STRA8: variants seen among roughly 807,000 people sequenced by gnomAD.
STRA8 encodes the protein stimulated by retinoic acid 8, also known as stimulated by retinoic acid gene 8 protein homolog.
STRA8 carries 18 observed loss-of-function variants against 37.1 expected under a neutral mutation model. The ratio of observed to expected loss-of-function variants is 0.48; its 90% CI spans 0.34 to 0.72. STRA8 has a LOEUF of 0.72. Ranked by LOEUF, STRA8 falls within the 30% of genes least tolerant of loss-of-function variation. The probability of loss-of-function intolerance (pLI) is 0.01; values close to 1 mark genes in which losing one functional copy is unlikely to be tolerated. For synonymous variants in STRA8, 168 were observed against 162.9 expected, an observed-to-expected ratio of 1.03 and a Z score of -0.24; for missense variants, 357 against 410.4, an observed-to-expected ratio of 0.87 and a Z score of 1.13.
In STRA8 at chr7:135,245,391, C is replaced by T. The variant is rs1832532092; in HGVS notation, c.457C>T (p.Gln153Ter). ...EEEEDEEEED[Q>*]EEEEEEEEEE... ...GGAGGAAGATGAGGAAGAGGAAGAT[C>T]AAGAAGAAGAGGAGGAGGAAGAAGA... Residue 153 changes from glutamine (Q) to a stop codon, truncating the protein, a stop_gained, in exon 5 of 9, where the codon CAA becomes TAA. Coordinates refer to ENST00000662584, the MANE Select transcript of STRA8 (RefSeq NM_001394401.1). LOFTEE classifies it high-confidence loss of function. The T allele has an allele frequency of 1.3e-6, 1 of 743,908 alleles. No homozygotes were observed. The highest frequency in any genetic ancestry group is 1.9e-5 in the African/African-American group (1 of 52,142). 46.1% of individuals were successfully genotyped at this position (743,908 alleles called of 1,614,324 possible).
chr7:135,231,972 T>C, upstream of STRA8: 1 of 1,614,082 alleles, frequency 6.2e-7, no homozygotes, highest in Non-Finnish European at 8.5e-7. Context: ...CCTTCTGCCT[T>C]GCAGCTATGG....
At chr7:135,234,922 A>G (rs1832347957) in intron 1 of STRA8, among the ~76,000 whole-genome samples, 1 of 152,112 alleles carries the variant, frequency 6.6e-6, no homozygotes. Context: ...TGTCACCCAG[A>G]CTGGAGTGCA....
rs59621186 is a variant in STRA8 at position 135,252,013 on chromosome 7, A to AGTGTGTGTGTGTGTGT, written c.953+162_953+177dup. 139 of 505,248 alleles carry AGTGTGTGTGTGTGTGT rather than the reference A, an allele frequency of 2.8e-4. 2 individuals are homozygous for AGTGTGTGTGTGTGTGT. The highest frequency in any genetic ancestry group is 5.1e-4 in the African/African-American group (23 of 44,956). The allele number at this position is 505,248 out of a possible 1,614,324, so 31.3% of individuals were successfully genotyped here. On this transcript the variant is annotated intron_variant, in intron 7 of 8. Coordinates refer to ENST00000662584, the MANE Select transcript of STRA8 (RefSeq NM_001394401.1). ...AGAGGAGACAGAGGGAGAGAGAGAG[A>AGTGTGTGTGTGTGTGT]GTGTGTGTGTGTGTGTGTGTGTGTG...
Position 135,243,375 on chromosome 7 carries a change from G to A in STRA8, c.318G>A (p.Lys106=). 6.2e-7 allele frequency: 1 copy of A among 1,614,134 alleles called. No homozygotes were observed. The highest frequency in any genetic ancestry group is 8.5e-7 in the Non-Finnish European group (1 of 1,179,990). The part of the protein sequence containing the change: ...DGHASSLEEV[K]KEYASMYSGN... ...ATGCAAGCAGCTTAGAGGAGGTCAA[G>A]AAAGAATATGCCAGCATGTATTCTG... is the stretch of plus-strand genomic sequence containing the variant. The change falls in exon 4 of 9, where the codon AAG becomes AAA. Residue 106 remains lysine, a synonymous_variant. Transcript: ENST00000662584.
At chr7:135,233,302 T>C (rs887976065), upstream of STRA8, among the ~76,000 whole-genome samples, 1 of 152,188 alleles carries the variant, frequency 6.6e-6, no homozygotes, top group Non-Finnish European at 1.5e-5. Context: ...TCTTCCTGCC[T>C]TATTTAAAAT....
intron 1 of STRA8, among the ~76,000 whole-genome samples, chr7:135,237,114 G>A (rs181083553): frequency 6.6e-6 from 1 of 152,314 alleles, no homozygotes; most frequent in East Asian, 1.9e-4. Flanking sequence ...GACAGGGGCA[G>A]AGAGAGATGG....
chr7:135,245,330 G>T lies in STRA8; in HGVS notation c.396G>T (p.Trp132Cys). The change falls in exon 5 of 9, where the codon TGG (tryptophan) becomes TGT (cysteine). Residue 132 changes from tryptophan to cysteine, a missense_variant. By Grantham distance (215) the Trp-to-Cys change is radical (BLOSUM62 -2). Coordinates refer to ENST00000662584, the MANE Select transcript of STRA8 (RefSeq NM_001394401.1). ...TTCCTCAGAATGGTTCCTCCCCTTG[G>T]TGCCCAACTGAGGCAGTCAGGAAGG... ...NSFPQNGSSPWCPTEAVRKDA... is the reference protein window; with the variant it reads ...NSFPQNGSSPCCPTEAVRKDA... The T allele has an allele frequency of 1.3e-6, 1 of 780,824 alleles. No homozygotes were observed. The highest frequency in any genetic ancestry group is 2.4e-6 in the Non-Finnish European group (1 of 418,074). The allele number at this position is 780,824 out of a possible 1,614,324, so 48.4% of individuals were successfully genotyped here. A position where few individuals can be genotyped will look rare whatever the true frequency, so the allele number is the denominator to read the frequency against.
At chr7:135,249,001 G>C (rs1585477351) in intron 6 of STRA8, among the ~76,000 whole-genome samples, 1 of 152,154 alleles carries the variant, frequency 6.6e-6, no homozygotes, top group African/African-American at 2.4e-5. Flanking sequence ...CATACCCAAG[G>C]CTTGTATGAA....
At chr7:135,248,488 G>C (rs1467216331) in intron 6 of STRA8, among the ~76,000 whole-genome samples, 1 of 152,112 alleles carries the variant, frequency 6.6e-6, no homozygotes, top group East Asian at 1.9e-4. Flanking sequence ...TGGGAGCAAT[G>C]CTTGAGCCCA....
At chr7:135,239,523 C>T (rs1832428575) in intron 1 of STRA8, among the ~76,000 whole-genome samples, 1 of 152,164 alleles carries the variant, frequency 6.6e-6, no homozygotes, top group South Asian at 2.1e-4. Context: ...CTAATGGGGG[C>T]CAGGCTCTGT....
intron 8 of STRA8, among the ~76,000 whole-genome samples, chr7:135,255,510 C>T (rs891161229): frequency 6.6e-6 from 1 of 152,234 alleles, no homozygotes; most frequent in Non-Finnish European, 1.5e-5. Context: ...AGATCTATGG[C>T]CTGCTAGGAA....
At position 135,245,527 on chromosome 7, in the gene STRA8, G is replaced by A. The variant is rs1832538184; in HGVS notation, c.593G>A (p.Arg198Gln). 6.6e-6 allele frequency among the ~76,000 whole-genome samples: 1 copy of A among 152,134 alleles called. No individual in the cohort carries two copies. ...TLSPDLMEFERYLNFYKQTMD... is the reference protein window; with the variant it reads ...TLSPDLMEFEQYLNFYKQTMD... ...TCGCCTGACCTCATGGAATTTGAAC[G>A]GTGTGAACAGTTGGGTGGGGTGGCT... The change falls in exon 5 of 9, where the codon CGG (arginine) becomes CAG (glutamine). Residue 198 changes from arginine to glutamine, a missense_variant and splice_region_variant. Coordinates refer to ENST00000662584, the MANE Select transcript of STRA8 (RefSeq NM_001394401.1).
intron 7 of STRA8, among the ~76,000 whole-genome samples, chr7:135,252,933 A>G (rs1832656074): frequency 6.6e-6 from 1 of 151,412 alleles, no homozygotes; most frequent in South Asian, 2.1e-4. Context: ...TCTTTCTTTA[A>G]AAAAATTTTT....
chr7:135,244,866 A>T (rs73156148), intron 4 of STRA8, among the ~76,000 whole-genome samples: 17,820 of 152,184 alleles, frequency 0.12, 1,470 homozygotes, highest in Admixed American at 0.21. Flanking sequence ...TAGAAGTAGT[A>T]AGAGTGGACA....
Position 135,255,150 on chromosome 7 carries a change from G to A in STRA8, c.990G>A (p.Glu330=), listed in dbSNP as rs150214850. 110 of 1,614,028 alleles carry A rather than the reference G, an allele frequency of 6.8e-5. 1 individual carries two copies. The African/African-American group carries it at 1.4e-3, about 21-fold the overall frequency. The change falls in exon 8 of 9, where the codon GAG becomes GAA. Residue 330 remains glutamate (E), a synonymous_variant. Transcript: ENST00000662584. ...CCAGCTGCAACCCAGAAAACCCAGA[G>A]GAGAAGTTTCAGCTCTATATGCAGA... ...VLASCNPENP[E]EKFQLYMQII...
At position 135,243,309 on chromosome 7, in the gene STRA8, C is replaced by T. The variant is rs768929461; in HGVS notation, c.269-17C>T. The T allele has an allele frequency of 5.0e-6, 8 of 1,613,618 alleles. No homozygotes were observed. The Admixed American group carries it at 1.3e-4, about 27-fold the overall frequency. On this transcript the variant is annotated splice_polypyrimidine_tract_variant and intron_variant, in intron 3 of 8. Transcript: ENST00000662584. ...TGACTTTTCTCTTTGTGTTCCTGGTCTTCAACTCCCCAATAGCATCCTTCA... is the reference window on the plus strand; with the variant it reads ...TGACTTTTCTCTTTGTGTTCCTGGTTTTCAACTCCCCAATAGCATCCTTCA...
At chr7:135,242,700 C>G in intron 2 of STRA8, 81 bp from the exon 3 acceptor site, 1 of 1,394,256 alleles carries the variant, frequency 7.2e-7, no homozygotes. Context: ...GGCCTCAGCC[C>G]TGGGAAGGGA....
At chr7:135,242,747 G>C in intron 2 of STRA8, 34 bp from the exon 3 acceptor site, 1 of 1,605,794 alleles carries the variant, frequency 6.2e-7, no homozygotes, top group Non-Finnish European at 8.5e-7. Context: ...GCAGTGAGAG[G>C]CTGGCTTTCA....
At chr7:135,237,754 T>C (rs775069414) in intron 1 of STRA8, among the ~76,000 whole-genome samples, 32 of 152,088 alleles carry the variant, frequency 2.1e-4, no homozygotes, top group Non-Finnish European at 4.4e-4. Context: ...TAGCCAGTCG[T>C]GGTGGTGGGC....
Sources: gnomAD v4.1 joint callset for allele counts (sites outside exome capture counted in the v4.1 genomes callset) on GRCh38, gnomAD v4.1.1 for gene constraint, MANE v1.5 for transcripts, NCBI Gene and HGNC (gene_info 2026-07-23, HGNC 2026-07-21) for gene names.